Variants in MIR2052HG observed in about 807,000 individuals in gnomAD.
The protein encoded by MIR2052HG is MIR2052 host gene.
chr8:74,698,142 C>T (rs1267866566), intron 2 of MIR2052HG, among the ~76,000 whole-genome samples: 5 of 152,130 alleles, frequency 3.3e-5, no homozygotes, highest in Non-Finnish European at 2.9e-5. Flanking sequence ...CAGCATTGTA[C>T]TGGTACTAAA....
chr8:74,726,296 T>C (rs907384497), intron 4 of MIR2052HG, among the ~76,000 whole-genome samples: 1 of 152,218 alleles, frequency 6.6e-6, no homozygotes, highest in Admixed American at 6.5e-5. Context: ...ATGCTTTCCT[T>C]GTGTGCATCA....
chr8:74,613,070 G>C (rs1404184107), intron 2 of MIR2052HG: 1 of 341,028 alleles, frequency 2.9e-6, no homozygotes, highest in African/African-American at 2.1e-5. Context: ...GATGAGAGAG[G>C]CCACGGCTAC....
At position 74,701,798 on chromosome 8, in the gene MIR2052HG, G is replaced by C. The variant is rs555522472; in HGVS notation, n.217-581G>C. On this transcript the variant is annotated intron_variant and non_coding_transcript_variant, in intron 2 of 6. Transcript: ENST00000523442. ...TGGTGCTTGGCACCAGAAAGTCAAT[G>C]GTCTCAAAACCCCAGGGAGAGAAGA... Among the ~76,000 whole-genome samples, 6 of 152,210 alleles carry C rather than the reference G, an allele frequency of 3.9e-5. No homozygotes were observed. The South Asian group carries it at 1.2e-3, about 32-fold the overall frequency.
intron 2 of MIR2052HG, among the ~76,000 whole-genome samples, chr8:74,624,831 C>T (rs1001814586): frequency 6.6e-5 from 10 of 151,934 alleles, no homozygotes; most frequent in Non-Finnish European, 1.2e-4. Flanking sequence ...TTTCTCACTC[C>T]GTCTGTAAAA....
intron 1 of MIR2052HG, among the ~76,000 whole-genome samples, chr8:74,605,327 T>C (rs1808096108): frequency 6.6e-6 from 1 of 152,242 alleles, no homozygotes; most frequent in Admixed American, 6.5e-5. Context: ...AAAAGCTTCG[T>C]GGGCTAAGCA....
chr8:74,698,886 G>A (rs1472694083), intron 2 of MIR2052HG, among the ~76,000 whole-genome samples: 1 of 151,968 alleles, frequency 6.6e-6, no homozygotes, highest in Non-Finnish European at 1.5e-5. Flanking sequence ...TTCTGCACAA[G>A]TATCCTGGAA....
intron 2 of MIR2052HG, among the ~76,000 whole-genome samples, chr8:74,694,866 C>G (rs1202009189): frequency 6.6e-6 from 1 of 151,934 alleles, no homozygotes; most frequent in Non-Finnish European, 1.5e-5. Context: ...GATTGGTGTT[C>G]CTGAGGAAGA....
intron 4 of MIR2052HG, among the ~76,000 whole-genome samples, chr8:74,716,367 T>A (rs1809521571): frequency 1.3e-5 from 2 of 152,134 alleles, no homozygotes; most frequent in South Asian, 4.1e-4. Flanking sequence ...TTAATATAGC[T>A]CTAGGGTATG....
At chr8:74,728,839 A>C (rs1809661561) in intron 4 of MIR2052HG, among the ~76,000 whole-genome samples, 1 of 152,174 alleles carries the variant, frequency 6.6e-6, no homozygotes, top group Admixed American at 6.5e-5. Flanking sequence ...TTCTAATAAC[A>C]AACATACACT....
intron 2 of MIR2052HG, among the ~76,000 whole-genome samples, chr8:74,654,515 T>C (rs1586904678): frequency 6.6e-6 from 1 of 152,144 alleles, no homozygotes; most frequent in Non-Finnish European, 1.5e-5. Flanking sequence ...TCCCATGCTA[T>C]TCTCATGGTA....
At chr8:74,752,096 C>A (rs150699842) in intron 4 of MIR2052HG, among the ~76,000 whole-genome samples, 1 of 151,702 alleles carries the variant, frequency 6.6e-6, no homozygotes, top group Non-Finnish European at 1.5e-5. Context: ...GCCTGGGCAA[C>A]ATAGTGAAAC....
At chr8:74,658,900 A>G (rs1229889576) in intron 2 of MIR2052HG, among the ~76,000 whole-genome samples, 1 of 152,212 alleles carries the variant, frequency 6.6e-6, no homozygotes, top group Non-Finnish European at 1.5e-5. Flanking sequence ...ACTGGAGAAT[A>G]TGGGCTTTTA....
intron 1 of MIR2052HG, chr8:74,603,687 C>G (rs957410995): frequency 8.0e-6 from 8 of 995,300 alleles, no homozygotes; most frequent in South Asian, 7.6e-5. Context: ...CAAAGATGAC[C>G]GGAGAGCTGG....
chr8:74,667,505 T>C (rs1808943075), intron 2 of MIR2052HG, among the ~76,000 whole-genome samples: 1 of 152,242 alleles, frequency 6.6e-6, no homozygotes. Flanking sequence ...CTAAATTCTA[T>C]CACTTTTTTA....
At chr8:74,734,427 T>C (rs542898738) in intron 4 of MIR2052HG, among the ~76,000 whole-genome samples, 26 of 152,330 alleles carry the variant, frequency 1.7e-4, no homozygotes, top group African/African-American at 6.3e-4. Flanking sequence ...AAACACACTG[T>C]GAGGAGGCTG....
intron 3 of MIR2052HG, chr8:74,702,497 C>T (rs1411290683): frequency 2.4e-6 from 1 of 416,440 alleles, no homozygotes; most frequent in East Asian, 7.5e-5. Context: ...ACCTCAATGT[C>T]TGCACACATC....
intron 4 of MIR2052HG, among the ~76,000 whole-genome samples, chr8:74,736,334 GA>G (rs1268824589): frequency 6.6e-6 from 1 of 151,996 alleles, no homozygotes; most frequent in Non-Finnish European, 1.5e-5. Flanking sequence ...CATAATTTTT[GA>G]AAATACTATT....
chr8:74,687,596 C>T (rs79181316), intron 2 of MIR2052HG, among the ~76,000 whole-genome samples: 1,579 of 152,202 alleles, frequency 0.01, 17 homozygotes, highest in African/African-American at 0.036. Flanking sequence ...GGTGAATATA[C>T]TGCCTGATTC....
chr8:74,692,318 T>C (rs67881526), intron 2 of MIR2052HG, among the ~76,000 whole-genome samples: 62,308 of 151,982 alleles, frequency 0.41, 14,262 homozygotes, highest in East Asian at 0.67. Context: ...TCTCAAATTC[T>C]TGGCTTCAAG....
Sources: gnomAD v4.1 joint callset for allele counts (sites outside exome capture counted in the v4.1 genomes callset) on GRCh38, gnomAD v4.1.1 for gene constraint, MANE v1.5 for transcripts, NCBI Gene and HGNC (gene_info 2026-07-23, HGNC 2026-07-21) for gene names.